The following CDH2 variants were observed in gnomAD, a reference collection of about 807,000 sequenced individuals.
CDH2 encodes the protein cadherin-2.
Under a neutral mutation model 92.0 loss-of-function variants are expected in CDH2, and 17 were observed. That is an observed-to-expected ratio of 0.18 (90% CI 0.13 to 0.28). The LOEUF is 0.28. Ranked by LOEUF, CDH2 falls within the 10% of genes least tolerant of loss-of-function variation. CDH2 has a pLI of 1.00. For missense variants in CDH2, 862 were observed against 1,133.1 expected, an observed-to-expected ratio of 0.76 and a Z score of 3.44; for synonymous variants, 419 against 415.9, an observed-to-expected ratio of 1.01 and a Z score of -0.09.
At chr18:28,099,522 C>A (rs942884724) in intron 2 of CDH2, among the ~76,000 whole-genome samples, 1 of 152,032 alleles carries the variant, frequency 6.6e-6, no homozygotes, top group Non-Finnish European at 1.5e-5. Flanking sequence ...TGAACACTTC[C>A]ACATCAATTA....
chr18:28,055,632 A>G (rs967918409), intron 2 of CDH2, among the ~76,000 whole-genome samples: 13 of 152,208 alleles, frequency 8.5e-5, no homozygotes, highest in Admixed American at 7.2e-4. Flanking sequence ...AAAATTTATA[A>G]AGAGCTTTAA....
chr18:28,073,157 C>T (rs1042376317), intron 2 of CDH2, among the ~76,000 whole-genome samples: 4 of 152,014 alleles, frequency 2.6e-5, no homozygotes, highest in Non-Finnish European at 5.9e-5. Context: ...TCCTTCAGTT[C>T]TCTAGTGTAA....
chr18:27,949,561 A>G (rs954627211), downstream of CDH2, among the ~76,000 whole-genome samples: 6 of 152,026 alleles, frequency 3.9e-5, no homozygotes, highest in Admixed American at 3.3e-4. Flanking sequence ...AAAAATTACC[A>G]AGATACACTC....
intron 7 of CDH2, among the ~76,000 whole-genome samples, chr18:28,000,691 A>G (rs138829324): frequency 6.6e-6 from 1 of 152,292 alleles, no homozygotes; most frequent in East Asian, 1.9e-4. Context: ...AAGACTGGGT[A>G]ATGTGGCAAA....
intron 2 of CDH2, among the ~76,000 whole-genome samples, chr18:28,026,394 G>T (rs987257921): frequency 1.3e-5 from 2 of 152,150 alleles, no homozygotes; most frequent in African/African-American, 4.8e-5. Flanking sequence ...GGCTTGAACA[G>T]GCTGAGAAAT....
intron 2 of CDH2, among the ~76,000 whole-genome samples, chr18:28,143,050 C>T (rs1422233158): frequency 2.0e-5 from 3 of 152,030 alleles, no homozygotes; most frequent in Non-Finnish European, 4.4e-5. Flanking sequence ...TCAGTAAGCA[C>T]ACTAATCTAA....
intron 14 of CDH2, among the ~76,000 whole-genome samples, chr18:27,969,963 G>A (rs1006708469): frequency 2.6e-5 from 4 of 152,178 alleles, no homozygotes; most frequent in Non-Finnish European, 4.4e-5. Context: ...TCGTGCCATT[G>A]CACTCCAGCC....
chr18:28,105,981 C>T (rs2015313707), intron 2 of CDH2, among the ~76,000 whole-genome samples: 1 of 152,208 alleles, frequency 6.6e-6, no homozygotes, highest in South Asian at 2.1e-4. Flanking sequence ...GAGTAGAATT[C>T]ATTCTCTTTA....
Position 27,992,709 on chromosome 18 carries a change from C to CCGT in CDH2, c.1287_1289dup (p.Arg430dup). The CCGT allele has an allele frequency of 6.2e-7, 1 of 1,613,790 alleles. No homozygotes were observed. Among genetic ancestry groups the CCGT allele is most frequent in the Non-Finnish European group, 8.5e-7 (1 of 1,179,796 alleles). On this transcript the variant is annotated inframe_insertion, in exon 9 of 16. Transcript: ENST00000269141. Reference sequence around the variant, plus strand: ...TGTTTGGGTCGGTCTGGATGGCGAACCGTCCAGTAGGATCTCCGCCACTGA... The same window carrying CCGT: ...TGTTTGGGTCGGTCTGGATGGCGAACCGTCGTCCAGTAGGATCTCCGCCACTGA...
chr18:28,171,673 C>A (rs11874478), intron 1 of CDH2, among the ~76,000 whole-genome samples: 42,788 of 152,078 alleles, frequency 0.28, 6,990 homozygotes, highest in African/African-American at 0.45. Flanking sequence ...CTTACATTTT[C>A]GGCTGAAAAA....
intron 2 of CDH2, among the ~76,000 whole-genome samples, chr18:28,132,548 T>G (rs905007388): frequency 2.6e-5 from 4 of 152,136 alleles, no homozygotes; most frequent in South Asian, 2.1e-4. Flanking sequence ...GGAGCAACAA[T>G]TCCCTAAATG....
At position 27,985,111 on chromosome 18, in the gene CDH2, C is replaced by T. The variant is rs1027567929; in HGVS notation, c.2098G>A (p.Val700Ile). 3.7e-6 allele frequency: 6 copies of T among 1,614,058 alleles called. No homozygotes were observed. The highest frequency in any genetic ancestry group is 5.1e-6 in the Non-Finnish European group (6 of 1,179,914). Residue 700 changes from valine (V) to isoleucine (I), a missense_variant, in exon 13 of 16, where the codon GTT (valine) becomes ATT (isoleucine). Transcript: ENST00000269141. ...KSNISILRVKVCQCDSNGDCT... is the reference protein window; with the variant it reads ...KSNISILRVKICQCDSNGDCT... ...TCCCCGTTGGAGTCACACTGGCAAACCTTCACACGCAGGATGGAAATATTT... is the reference window on the plus strand; with the variant it reads ...TCCCCGTTGGAGTCACACTGGCAAATCTTCACACGCAGGATGGAAATATTT...
intron 7 of CDH2, among the ~76,000 whole-genome samples, chr18:27,994,037 AT>A (rs2012507369): frequency 6.6e-6 from 1 of 152,252 alleles, no homozygotes; most frequent in African/African-American, 2.4e-5. Context: ...ACAATGAAGA[AT>A]CTCAAGACAG....
At chr18:28,040,152 GAGCGAATC>G (rs2013921114) in intron 2 of CDH2, among the ~76,000 whole-genome samples, 4 of 152,166 alleles carry the variant, frequency 2.6e-5, no homozygotes, top group Non-Finnish European at 5.9e-5. Flanking sequence ...CAGGGCCTCA[GAGCGAATC>G]CAAACAAGTG....
chr18:28,036,838 C>T (rs866657810), intron 2 of CDH2, among the ~76,000 whole-genome samples: 1 of 152,108 alleles, frequency 6.6e-6, no homozygotes, highest in African/African-American at 2.4e-5. Flanking sequence ...AAACAAAATA[C>T]AACGTAAGAA....
chr18:27,998,499 A>G (rs2012660497), intron 7 of CDH2, among the ~76,000 whole-genome samples: 1 of 152,198 alleles, frequency 6.6e-6, no homozygotes, highest in South Asian at 2.1e-4. Context: ...CCACTACGTG[A>G]GTGCCCTCTA....
intron 2 of CDH2, among the ~76,000 whole-genome samples, chr18:28,136,357 A>T (rs966265879): frequency 6.6e-5 from 10 of 150,736 alleles, no homozygotes; most frequent in Admixed American, 3.3e-4. Flanking sequence ...ACTGAGAAGT[A>T]GTTTATGGGC....
At chr18:28,081,809 A>G (rs573645916) in intron 2 of CDH2, among the ~76,000 whole-genome samples, 1 of 152,344 alleles carries the variant, frequency 6.6e-6, no homozygotes, top group South Asian at 2.1e-4. Flanking sequence ...TGAACTTCAT[A>G]TATAAGTTAG....
chr18:27,933,067 G>T (rs1299844074), exon 7 of CDH2, among the ~76,000 whole-genome samples: 1 of 152,110 alleles, frequency 6.6e-6, no homozygotes, highest in Non-Finnish European at 1.5e-5. Flanking sequence ...GCATTGCTGA[G>T]ATCATGGTGC....
Sources: gnomAD v4.1 joint callset for allele counts (sites outside exome capture counted in the v4.1 genomes callset) on GRCh38, gnomAD v4.1.1 for gene constraint, MANE v1.5 for transcripts, NCBI Gene and HGNC (gene_info 2026-07-23, HGNC 2026-07-21) for gene names.